DLGAP2: variants seen among roughly 807,000 people sequenced by gnomAD.
DLGAP2 encodes the protein disks large-associated protein 2.
A neutral mutation model predicts 100.3 loss-of-function variants in DLGAP2; 26 were observed. The observed-to-expected ratio is 0.26, with a 90% CI of 0.19 to 0.36. The LOEUF (loss-of-function observed/expected upper bound fraction) is 0.36. DLGAP2 is among the 10% of genes least tolerant of loss of function. The pLI, the probability that DLGAP2 is intolerant of heterozygous loss-of-function variation, is 1.00. For missense variants in DLGAP2, 1,858 were observed against 1,453.2 expected (o/e 1.28, Z -4.53); for synonymous variants, 886 against 630.1 (o/e 1.41, Z -6.08).
At chr8:996,613 T>G (rs976366971) in intron 2 of DLGAP2, among the ~76,000 whole-genome samples, 13 of 152,216 alleles carry the variant, frequency 8.5e-5, no homozygotes, top group African/African-American at 2.9e-4. Context: ...ATCAACCTTA[T>G]GAATATAAAA....
intron 3 of DLGAP2, among the ~76,000 whole-genome samples, chr8:1,374,117 GAGGTT>G (rs1205844693): frequency 2.7e-5 from 4 of 148,890 alleles, no homozygotes; most frequent in Non-Finnish European, 5.9e-5. Context: ...CTGTGTGGTG[GAGGTT>G]AGGTTAGGTT....
intron 2 of DLGAP2, among the ~76,000 whole-genome samples, chr8:1,071,430 G>A (rs1338219496): frequency 6.6e-6 from 1 of 152,150 alleles, no homozygotes; most frequent in Non-Finnish European, 1.5e-5. Context: ...CCTGGGTGGG[G>A]CTGTGCTAGC....
intron 2 of DLGAP2, among the ~76,000 whole-genome samples, chr8:1,039,986 ATGGTCTGCTCAG>A (rs1802276922): frequency 3.2e-5 from 2 of 61,564 alleles, no homozygotes; most frequent in African/African-American, 1.4e-4. Flanking sequence ...CTCGGTGTGC[ATGGTCTGCTCAG>A]TTTCCGTGGT....
At chr8:981,375 A>G (rs1199938851) in intron 2 of DLGAP2, among the ~76,000 whole-genome samples, 1 of 152,064 alleles carries the variant, frequency 6.6e-6, no homozygotes, top group Non-Finnish European at 1.5e-5. Context: ...TATTGTGAAT[A>G]AGGCAACAAC....
intron 4 of DLGAP2, among the ~76,000 whole-genome samples, chr8:1,534,578 T>C (rs1261108538): frequency 6.6e-6 from 1 of 152,232 alleles, no homozygotes; most frequent in African/African-American, 2.4e-5. Context: ...CTTGTACCAA[T>C]CAAAAGACAT....
At chr8:1,389,045 C>CA (rs1177110551) in intron 3 of DLGAP2, among the ~76,000 whole-genome samples, 9 of 146,928 alleles carry the variant, frequency 6.1e-5, no homozygotes, top group Non-Finnish European at 1.3e-4. Context: ...GTTCAGGTGT[C>CA]AGGGCTGTGA....
At chr8:1,379,234 G>A (rs988312554) in intron 3 of DLGAP2, among the ~76,000 whole-genome samples, 2 of 152,236 alleles carry the variant, frequency 1.3e-5, no homozygotes, top group African/African-American at 2.4e-5. Flanking sequence ...TTTAGCTCAC[G>A]TCCATGCAGT....
intron 1 of DLGAP2, among the ~76,000 whole-genome samples, chr8:873,151 A>G (rs913268896): frequency 2.0e-5 from 3 of 152,200 alleles, no homozygotes; most frequent in Non-Finnish European, 2.9e-5. Context: ...CTTTGCATGA[A>G]TAGTATTAAA....
chr8:1,122,629 G>A (rs1796076922), intron 2 of DLGAP2, among the ~76,000 whole-genome samples: 1 of 143,228 alleles, frequency 7.0e-6, no homozygotes, highest in Non-Finnish European at 1.6e-5. Flanking sequence ...AATACATATT[G>A]GTTTTTATAA....
intron 3 of DLGAP2, among the ~76,000 whole-genome samples, chr8:1,357,052 G>A (rs779164383): frequency 5.3e-5 from 8 of 150,620 alleles, no homozygotes; most frequent in Admixed American, 6.6e-5. Context: ...CCCTGTTAAC[G>A]TCTGTTCTGT....
chr8:932,818 TA>T (rs772746314), intron 2 of DLGAP2, among the ~76,000 whole-genome samples: 26 of 150,942 alleles, frequency 1.7e-4, no homozygotes, highest in Middle Eastern at 3.4e-3. Flanking sequence ...AATGAAAAAT[TA>T]AAAAAAAAAT....
At chr8:1,540,516 C>T (rs1017432916) in intron 4 of DLGAP2, among the ~76,000 whole-genome samples, 1 of 152,204 alleles carries the variant, frequency 6.6e-6, no homozygotes, top group African/African-American at 2.4e-5. Flanking sequence ...TTCTGTAATT[C>T]TATGACCTCA....
intron 3 of DLGAP2, among the ~76,000 whole-genome samples, chr8:1,448,815 C>T (rs1425357404): frequency 6.6e-6 from 1 of 152,150 alleles, no homozygotes; most frequent in Non-Finnish European, 1.5e-5. Context: ...CAATCATTGC[C>T]CTGATCCGGC....
At chr8:1,325,522 C>A (rs560055479) in intron 3 of DLGAP2, among the ~76,000 whole-genome samples, 1 of 152,170 alleles carries the variant, frequency 6.6e-6, no homozygotes. Flanking sequence ...AAACTTTGTA[C>A]GCATACATTG....
intron 3 of DLGAP2, among the ~76,000 whole-genome samples, chr8:1,360,049 C>T (rs146402763): frequency 0.01 from 1,533 of 152,238 alleles, 87 homozygotes; most frequent in Admixed American, 0.09. Flanking sequence ...AGCCACTTTC[C>T]GCCTCTTCAT....
chr8:1,630,140 GA>G (rs35157299), intron 7 of DLGAP2, among the ~76,000 whole-genome samples: 20 of 147,792 alleles, frequency 1.4e-4, no homozygotes, highest in East Asian at 3.9e-4. Context: ...GAATTCTCAG[GA>G]AAAAAAAAAG....
rs1237454721 is a variant in DLGAP2, at chr8:737,797, A to C, written c.-11A>C. On this transcript the variant is annotated 5_prime_UTR_variant, in exon 1 of 15. Transcript: ENST00000637795. ...GTCGCCCCGCACCTGCTGAGCCCGGAGCGTCCGAGGATGTCCGCGCTGAGG... is the reference window on the plus strand; with the variant it reads ...GTCGCCCCGCACCTGCTGAGCCCGGCGCGTCCGAGGATGTCCGCGCTGAGG... The C allele has an allele frequency of 7.9e-6, 3 of 378,780 alleles. No homozygotes were observed. The highest frequency in any genetic ancestry group is 1.4e-5 in the Non-Finnish European group (3 of 213,202). 23.5% of individuals were successfully genotyped at this position (378,780 alleles called of 1,614,324 possible).
chr8:1,444,145 G>T (rs1267295855), intron 3 of DLGAP2, among the ~76,000 whole-genome samples: 7 of 152,084 alleles, frequency 4.6e-5, no homozygotes, highest in African/African-American at 1.7e-4. Flanking sequence ...GAGTGCAGTG[G>T]CGCGATCATA....
intron 3 of DLGAP2, among the ~76,000 whole-genome samples, chr8:1,460,642 A>G (rs188701622): frequency 5.5e-4 from 84 of 152,316 alleles, no homozygotes; most frequent in African/African-American, 1.9e-3. Context: ...AGGAAGACAG[A>G]TAATTTCTTG....
Sources: gnomAD v4.1 joint callset for allele counts (sites outside exome capture counted in the v4.1 genomes callset) on GRCh38, gnomAD v4.1.1 for gene constraint, MANE v1.5 for transcripts, NCBI Gene and HGNC (gene_info 2026-07-23, HGNC 2026-07-21) for gene names.